Variants in BEAN1 observed in about 807,000 individuals in gnomAD.
The protein encoded by BEAN1 is brain expressed associated with NEDD4 1, also known as protein BEAN1.
In BEAN1, 17 loss-of-function variants were observed where a neutral mutation model predicts 17.7. The ratio of observed to expected loss-of-function variants is 0.96; its 90% CI spans 0.66 to 1.44. The LOEUF (loss-of-function observed/expected upper bound fraction) is 1.44. Among genes scored for constraint, BEAN1 ranks in the 40% most tolerant of loss-of-function variants. BEAN1 has a pLI of 0.00. For missense variants in BEAN1, 359 were observed against 374.1 expected (o/e 0.96, Z 0.33); for synonymous variants, 142 against 151.8 (o/e 0.94, Z 0.47).
Position 66,443,911 on chromosome 16 carries a change from A to G in BEAN1, c.25+6210A>G, listed in dbSNP as rs564028980. 6.6e-5 allele frequency among the ~76,000 whole-genome samples: 10 copies of G among 152,232 alleles called. No homozygotes were observed. In the East Asian group the frequency reaches 9.7e-4, roughly 15 times the overall value. ...GGCTGGTCTTAAACTCCTGGCGTCA[A>G]GTGATCCACCTGCCTCGGCCTCCCA... On this transcript the variant is annotated intron_variant, in intron 2 of 4. Transcript: ENST00000536005.
intron 1 of BEAN1, among the ~76,000 whole-genome samples, chr16:66,433,029 A>G (rs1253899656): frequency 6.6e-6 from 1 of 152,220 alleles, no homozygotes; most frequent in South Asian, 2.1e-4. Context: ...AGGGACTGTC[A>G]AAGTGTGGCT....
At chr16:66,439,912 CT>C (rs1021448367) in intron 2 of BEAN1, among the ~76,000 whole-genome samples, 11 of 152,218 alleles carry the variant, frequency 7.2e-5, no homozygotes, top group Admixed American at 2.0e-4. Flanking sequence ...CATGGAGACT[CT>C]GTCATTGTCT....
intron 2 of BEAN1, chr16:66,450,929 T>G (rs1246440284): frequency 6.6e-6 from 1 of 152,236 alleles, no homozygotes; most frequent in Admixed American, 6.5e-5. Context: ...TATTTTGAAC[T>G]GAAAAGGAAT....
intron 2 of BEAN1, among the ~76,000 whole-genome samples, chr16:66,448,189 T>C (rs1002290506): frequency 4.0e-5 from 6 of 151,320 alleles, no homozygotes; most frequent in Admixed American, 6.6e-5. Context: ...ATTCCTTTCC[T>C]AGAGAGATGC....
At position 66,427,452 on chromosome 16, in the gene BEAN1, C is replaced by CGGCGCGGGGGAGGGGCG. The variant is rs1334734117; in HGVS notation, c.-83+26_-83+42dup. On this transcript the variant is annotated intron_variant, in intron 1 of 4. Transcript: ENST00000536005. This position sits in a 1 kb window ranked among gnomAD's most constrained non-coding sequence, Gnocchi z 4.7. ...GCCGAGTAAGGGGCGTGGGGCTGGGCGGCGCGGGGGAGGGGCGGGCGGGGG... is the reference window on the plus strand; with the variant it reads ...GCCGAGTAAGGGGCGTGGGGCTGGGCGGCGCGGGGGAGGGGCGGGCGCGGGGGAGGGGCGGGCGGGGG... 13 of 145,580 alleles carry CGGCGCGGGGGAGGGGCG rather than the reference C, an allele frequency of 8.9e-5. No individual in the cohort carries two copies. The highest frequency in any genetic ancestry group is 1.8e-4 in the Non-Finnish European group (12 of 65,780). 9.0% of individuals were successfully genotyped at this position (145,580 alleles called of 1,614,324 possible).
chr16:66,427,786 G>C lies in BEAN1; in HGVS notation c.-83+355G>C, dbSNP rs1310502778. 6.6e-6 allele frequency: 1 copy of C among 152,118 alleles called. No individual in the cohort carries two copies. Among genetic ancestry groups the C allele is most frequent in the Non-Finnish European group, 1.5e-5 (1 of 68,028 alleles). The allele number at this position is 152,118 out of a possible 1,614,324, so 9.4% of individuals were successfully genotyped here. On this transcript the variant is annotated intron_variant, in intron 1 of 4. Coordinates refer to ENST00000536005, the MANE Select transcript of BEAN1 (RefSeq NM_001178020.3). The surrounding 1 kb of genome is among the most constrained non-coding windows in gnomAD (Gnocchi z 4.7). ...AACCGCATTTGGGGAACCCAAGACA[G>C]CCTCCCCAGCAGCTTGCCCTCGGTT...
intron 1 of BEAN1, among the ~76,000 whole-genome samples, chr16:66,433,848 C>T (rs1961903429): frequency 6.6e-6 from 1 of 152,194 alleles, no homozygotes; most frequent in African/African-American, 2.4e-5. Context: ...GCTCCTGGGG[C>T]CTTCCAGCTC....
At chr16:66,443,606 C>T (rs1962338018) in intron 2 of BEAN1, among the ~76,000 whole-genome samples, 4 of 152,318 alleles carry the variant, frequency 2.6e-5, no homozygotes, top group African/African-American at 9.6e-5. Flanking sequence ...GTTCTCTGGT[C>T]TAGCACAAAG....
chr16:66,467,474 G>T (rs570601194), intron 2 of BEAN1, among the ~76,000 whole-genome samples: 126 of 152,236 alleles, frequency 8.3e-4, no homozygotes, highest in African/African-American at 2.8e-3. Context: ...GATCTCATGA[G>T]ACTCACTCAT....
At chr16:66,453,105 A>C (rs1444497357) in intron 2 of BEAN1, among the ~76,000 whole-genome samples, 2 of 152,052 alleles carry the variant, frequency 1.3e-5, no homozygotes, top group Non-Finnish European at 2.9e-5. Context: ...TCTGTTTTCT[A>C]GTTCGTTGAT....
rs781734022 is a variant in BEAN1 at position 66,471,626 on chromosome 16, G to A, written c.289+1761G>A. Among the ~76,000 whole-genome samples the A allele has an allele frequency of 2.0e-4, 31 of 152,356 alleles. No homozygotes were observed. The highest frequency in any genetic ancestry group is 3.1e-4 in the Non-Finnish European group (21 of 68,036). On this transcript the variant is annotated intron_variant, in intron 3 of 4. Transcript: ENST00000536005. The surrounding 1 kb of genome is among the most constrained non-coding windows in gnomAD (Gnocchi z 4.7). ...TGTGTAAGACACAGAGGGACATCCCGGGATGAGTCGGACAAGTGGCCACAG... is the reference window on the plus strand; with the variant it reads ...TGTGTAAGACACAGAGGGACATCCCAGGATGAGTCGGACAAGTGGCCACAG...
Position 66,438,371 on chromosome 16 carries a change from G to A in BEAN1, c.25+670G>A, listed in dbSNP as rs535910980. On this transcript the variant is annotated intron_variant, in intron 2 of 4. Transcript: ENST00000536005. ...TGCACTCCAGCCTGGGCGACAGAGC[G>A]AAACTCTGTCTCAGAAAACAAATAA... Among the ~76,000 whole-genome samples the A allele has an allele frequency of 8.0e-4, 121 of 152,184 alleles. 1 individual carries two copies. The highest frequency in any genetic ancestry group is 1.4e-3 in the Non-Finnish European group (94 of 68,016).
At chr16:66,495,035 T>C (rs1023271709), downstream of BEAN1, among the ~76,000 whole-genome samples, 1 of 152,070 alleles carries the variant, frequency 6.6e-6, no homozygotes, top group African/African-American at 2.4e-5. Flanking sequence ...AAAGCAGGTG[T>C]TTAATAATTG....
At chr16:66,445,205 G>A (rs1315458614) in intron 2 of BEAN1, among the ~76,000 whole-genome samples, 1 of 152,006 alleles carries the variant, frequency 6.6e-6, no homozygotes, top group Non-Finnish European at 1.5e-5. Flanking sequence ...GGCCGGGCGT[G>A]GTGGCTCACA....
In BEAN1 at chr16:66,473,616, G is replaced by C. The variant is rs1963571300; in HGVS notation, c.289+3751G>C. Among the ~76,000 whole-genome samples, 1 of 152,036 alleles carries C rather than the reference G, an allele frequency of 6.6e-6. No homozygotes were observed. Among genetic ancestry groups the C allele is most frequent in the Non-Finnish European group, 1.5e-5 (1 of 68,014 alleles). On this transcript the variant is annotated intron_variant, in intron 3 of 4. Transcript: ENST00000536005. The surrounding 1 kb of genome is among the most constrained non-coding windows in gnomAD (Gnocchi z 4.5). ...GGAGGCCAAGGTGGGAGGATAGCTT[G>C]AGCTCAGGGGTTTCAGGCTGCAGTG...
chr16:66,453,743 T>TGGGG (rs60429777), intron 2 of BEAN1, among the ~76,000 whole-genome samples: 2 of 150,696 alleles, frequency 1.3e-5, no homozygotes, highest in South Asian at 2.1e-4. Flanking sequence ...TTTTTTTTTT[T>TGGGG]GGGTCAGGGG....
At position 66,480,790 on chromosome 16, in the gene BEAN1, C is replaced by G; in HGVS notation, c.645C>G (p.Pro215=). 6.5e-7 allele frequency: 1 copy of G among 1,549,960 alleles called. No homozygotes were observed. Among genetic ancestry groups the G allele is most frequent in the East Asian group, 2.4e-5 (1 of 40,900 alleles). The change falls in exon 5 of 5, where the codon CCC becomes CCG. Residue 215 remains proline (P), a synonymous_variant. Coordinates refer to ENST00000536005, the MANE Select transcript of BEAN1 (RefSeq NM_001178020.3). The part of the protein sequence containing the change: ...LHTVSMDTLP[P]YEAVCGAGPP... ...CGGTCTCCATGGACACCCTTCCCCCCTACGAGGCTGTGTGCGGGGCTGGCC... is the reference window on the plus strand; with the variant it reads ...CGGTCTCCATGGACACCCTTCCCCCGTACGAGGCTGTGTGCGGGGCTGGCC...
At chr16:66,485,570 C>G (rs1163853404), downstream of BEAN1, 1 of 182,784 alleles carries the variant, frequency 5.5e-6, no homozygotes, top group Non-Finnish European at 1.2e-5. Context: ...CTAGATCAGG[C>G]CGGGTATCTC....
Position 66,473,755 on chromosome 16 carries a change from A to G in BEAN1, c.290-3805A>G, listed in dbSNP as rs1174526920. Among the ~76,000 whole-genome samples, 1 of 152,056 alleles carries G rather than the reference A, an allele frequency of 6.6e-6. No homozygotes were observed. Among genetic ancestry groups the G allele is most frequent in the Non-Finnish European group, 1.5e-5 (1 of 68,006 alleles). On this transcript the variant is annotated intron_variant, in intron 3 of 4. Transcript: ENST00000536005. The surrounding 1 kb of genome is among the most constrained non-coding windows in gnomAD (Gnocchi z 4.5). ...ATAAATAAAGAGGGAGGGGCAGTGT[A>G]CCAGTGAACCCCAACCTTTGGCACT...
Sources: allele counts gnomAD v4.1 joint callset (sites outside exome capture counted in the v4.1 genomes callset), GRCh38; gene constraint gnomAD v4.1.1; non-coding constraint Gnocchi (gnomAD v3.1); transcripts MANE v1.5; gene names NCBI Gene and HGNC (gene_info 2026-07-23, HGNC 2026-07-21).